The following LRRC1 variants were observed in gnomAD, a reference collection of about 807,000 sequenced individuals.
LRRC1 encodes leucine rich repeat containing 1.
Under a neutral mutation model 69.9 loss-of-function variants are expected in LRRC1, and 28 were observed. The ratio of observed to expected loss-of-function variants is 0.40; its 90% CI spans 0.30 to 0.55. The LOEUF is 0.55. Among genes scored for constraint, LRRC1 ranks in the 20% least tolerant of loss-of-function variants. The pLI, the probability that LRRC1 is intolerant of heterozygous loss-of-function variation, is 0.47. For synonymous variants in LRRC1, 236 were observed against 240.2 expected, an observed-to-expected ratio of 0.98 and a Z score of 0.16; for missense variants, 498 against 609.0, an observed-to-expected ratio of 0.82 and a Z score of 1.92.
At chr6:53,834,474 G>A (rs1199809099) in intron 1 of LRRC1, among the ~76,000 whole-genome samples, 1 of 152,182 alleles carries the variant, frequency 6.6e-6, no homozygotes, top group Non-Finnish European at 1.5e-5. Context: ...TAGCTGATTA[G>A]AATGTAGTTT....
intron 11 of LRRC1, among the ~76,000 whole-genome samples, chr6:53,917,519 A>G (rs1158958966): frequency 6.6e-6 from 1 of 152,226 alleles, no homozygotes; most frequent in East Asian, 1.9e-4. Flanking sequence ...ATTTATTAAT[A>G]TTATTGATGC....
At chr6:53,849,008 C>T (rs1766037814) in intron 2 of LRRC1, among the ~76,000 whole-genome samples, 1 of 151,268 alleles carries the variant, frequency 6.6e-6, no homozygotes, top group Admixed American at 6.6e-5. Flanking sequence ...CCACCCACCT[C>T]AGCCTCCCAA....
At chr6:53,864,161 C>T (rs562349248) in intron 2 of LRRC1, among the ~76,000 whole-genome samples, 1 of 152,138 alleles carries the variant, frequency 6.6e-6, no homozygotes, top group Admixed American at 6.5e-5. Context: ...GATCCCCCCT[C>T]TGGGTGACTC....
chr6:53,800,646 CT>C (rs879427470), intron 1 of LRRC1, among the ~76,000 whole-genome samples: 177 of 144,670 alleles, frequency 1.2e-3, no homozygotes, highest in Admixed American at 1.5e-3. Flanking sequence ...TTCAATAATA[CT>C]TTTTTTTTTT....
intron 1 of LRRC1, among the ~76,000 whole-genome samples, chr6:53,821,495 A>G (rs1765114123): frequency 6.6e-6 from 1 of 152,202 alleles, no homozygotes; most frequent in Non-Finnish European, 1.5e-5. Context: ...TTCTATGCCT[A>G]ATGGCTAAGT....
At chr6:53,811,525 A>T (rs889188945) in intron 1 of LRRC1, among the ~76,000 whole-genome samples, 3 of 152,242 alleles carry the variant, frequency 2.0e-5, no homozygotes, top group Non-Finnish European at 4.4e-5. Context: ...TCAAAAGAGA[A>T]GGCCTGAGCT....
At chr6:53,893,580 A>G (rs1767771922) in intron 4 of LRRC1, among the ~76,000 whole-genome samples, 1 of 152,190 alleles carries the variant, frequency 6.6e-6, no homozygotes, top group South Asian at 2.1e-4. Flanking sequence ...CTCAAAGAAA[A>G]TGCTCATTGG....
chr6:53,800,088 T>C (rs1296888362), intron 1 of LRRC1, among the ~76,000 whole-genome samples: 1 of 152,174 alleles, frequency 6.6e-6, no homozygotes, highest in Non-Finnish European at 1.5e-5. Flanking sequence ...TGTTCAAGCC[T>C]CTGTTTCCTT....
At chr6:53,844,563 C>T (rs894762809) in intron 2 of LRRC1, among the ~76,000 whole-genome samples, 6 of 152,162 alleles carry the variant, frequency 3.9e-5, no homozygotes, top group Non-Finnish European at 7.3e-5. Flanking sequence ...CCTTCCAGCA[C>T]GTTGATAAAA....
At chr6:53,884,682 T>A (rs1767415741) in intron 4 of LRRC1, among the ~76,000 whole-genome samples, 1 of 152,198 alleles carries the variant, frequency 6.6e-6, no homozygotes. Flanking sequence ...TAGCCTCTGA[T>A]TCCTACCCCT....
chr6:53,838,776 G>C (rs780651360), intron 1 of LRRC1, among the ~76,000 whole-genome samples: 2 of 152,128 alleles, frequency 1.3e-5, no homozygotes, highest in Non-Finnish European at 2.9e-5. Flanking sequence ...GAAATGCAAA[G>C]GATTAGTCCT....
At position 53,919,724 on chromosome 6, in the gene LRRC1, A is replaced by T. The variant is rs907937498; in HGVS notation, c.1279+54A>T. 3.8e-5 allele frequency: 57 copies of T among 1,511,660 alleles called. 1 individual carries two copies. Among genetic ancestry groups the T allele is most frequent in the African/African-American group, 1.2e-4 (9 of 72,080 alleles). 93.6% of individuals were successfully genotyped at this position (1,511,660 alleles called of 1,614,324 possible). On this transcript the variant is annotated intron_variant, in intron 12 of 13. Coordinates refer to ENST00000370888, the MANE Select transcript of LRRC1 (RefSeq NM_018214.5). Reference sequence around the variant, plus strand: ...AGGGCCACGAGATTGAGTAGGACCTAATGTCTGTCCATAAGGCCTCTTACT... The same window carrying T: ...AGGGCCACGAGATTGAGTAGGACCTTATGTCTGTCCATAAGGCCTCTTACT...
In LRRC1 at chr6:53,923,024, G is replaced by A; in HGVS notation, c.*231G>A. The A allele has an allele frequency of 2.3e-6, 1 of 438,908 alleles. No homozygotes were observed. Among genetic ancestry groups the A allele is most frequent in the Non-Finnish European group, 4.1e-6 (1 of 245,346 alleles). The allele number at this position is 438,908 out of a possible 1,614,324, so 27.2% of individuals were successfully genotyped here. ...TTTTTTTTTTTAATTTCAGTTGTTT[G>A]TAATAAGTAGAATACACTACTGTAA... is the stretch of plus-strand genomic sequence containing the variant. On this transcript the variant is annotated 3_prime_UTR_variant, in exon 14 of 14. Coordinates refer to ENST00000370888, the MANE Select transcript of LRRC1 (RefSeq NM_018214.5).
intron 4 of LRRC1, among the ~76,000 whole-genome samples, chr6:53,890,339 T>C (rs1019833998): frequency 1.3e-5 from 2 of 152,168 alleles, no homozygotes; most frequent in African/African-American, 4.8e-5. Flanking sequence ...AAACATTTAA[T>C]TATTACAAGT....
chr6:53,858,340 C>T (rs765845702), intron 2 of LRRC1, among the ~76,000 whole-genome samples: 2 of 151,858 alleles, frequency 1.3e-5, no homozygotes, highest in Non-Finnish European at 2.9e-5. Context: ...GAAAAGTCAA[C>T]AGACTGCCCT....
intron 2 of LRRC1, among the ~76,000 whole-genome samples, chr6:53,862,969 A>G (rs1766580697): frequency 6.6e-6 from 1 of 152,202 alleles, no homozygotes; most frequent in African/African-American, 2.4e-5. Flanking sequence ...ACGGCATTCA[A>G]ACTGTCTTAA....
intron 1 of LRRC1, 64 bp from the exon 2 acceptor site, chr6:53,842,046 A>C (rs542528892): frequency 9.9e-7 from 1 of 1,009,988 alleles, no homozygotes; most frequent in Non-Finnish European, 1.5e-6. Context: ...TACATTTCAT[A>C]GTAGCCCAAA....
chr6:53,838,922 C>G (rs531983709), intron 1 of LRRC1, among the ~76,000 whole-genome samples: 3 of 152,060 alleles, frequency 2.0e-5, no homozygotes, highest in African/African-American at 7.2e-5. Flanking sequence ...CTTTGTCACC[C>G]AACATAACTG....
intron 4 of LRRC1, among the ~76,000 whole-genome samples, chr6:53,886,850 G>C (rs1767498888): frequency 6.6e-6 from 1 of 152,170 alleles, no homozygotes; most frequent in Non-Finnish European, 1.5e-5. Flanking sequence ...TCTTTACACA[G>C]AAGTGTAGTT....
Sources: allele counts gnomAD v4.1 joint callset (sites outside exome capture counted in the v4.1 genomes callset), GRCh38; gene constraint gnomAD v4.1.1; transcripts MANE v1.5; gene names NCBI Gene and HGNC (gene_info 2026-07-23, HGNC 2026-07-21).